The following NFIX variants were observed in gnomAD, a reference collection of about 807,000 sequenced individuals.
NFIX encodes the protein nuclear factor 1 X-type.
In NFIX, 2 loss-of-function variants were observed where a neutral mutation model predicts 53.3. The ratio of observed to expected loss-of-function variants is 0.04; its 90% CI spans 0.02 to 0.12. The LOEUF (loss-of-function observed/expected upper bound fraction) is 0.12. Ranked by LOEUF, NFIX falls within the 10% of genes least tolerant of loss-of-function variation. The pLI is 1.00. For missense variants in NFIX, 310 were observed against 674.5 expected (o/e 0.46, Z 5.99); for synonymous variants, 244 against 289.0 (o/e 0.84, Z 1.58).
rs2014550696 is a variant in NFIX at position 13,040,618 on chromosome 19, G to A, written c.559+15066G>A. ...CTATTCCTGCCCTCCATCTCCTGGA[G>A]ACCCCTTCAGTCTGGGCCTCTCGGG... On this transcript the variant is annotated intron_variant, in intron 2 of 10. Transcript: ENST00000592199. This position sits in a 1 kb window ranked among gnomAD's most constrained non-coding sequence, Gnocchi z 4.2. 6.6e-6 allele frequency among the ~76,000 whole-genome samples: 1 copy of A among 152,168 alleles called. No homozygotes were observed. The highest frequency in any genetic ancestry group is 1.5e-5 in the Non-Finnish European group (1 of 68,028).
At position 13,090,112 on chromosome 19, in the gene NFIX, G is replaced by A. The variant is rs1257461556; in HGVS notation, c.1403-187G>A. 1.3e-5 allele frequency among the ~76,000 whole-genome samples: 2 copies of A among 152,074 alleles called. No individual in the cohort carries two copies. Among genetic ancestry groups the A allele is most frequent in the Non-Finnish European group, 2.9e-5 (2 of 67,954 alleles). ...GAGGATGAGGGTGTCCCTCTGTAGTGGGGGGCAGGCTCGGAGCCTGGCCTT... is the reference window on the plus strand; with the variant it reads ...GAGGATGAGGGTGTCCCTCTGTAGTAGGGGGCAGGCTCGGAGCCTGGCCTT... On this transcript the variant is annotated intron_variant, in intron 9 of 10. Transcript: ENST00000592199. The surrounding 1 kb of genome is among the most constrained non-coding windows in gnomAD (Gnocchi z 6.6).
Position 13,028,901 on chromosome 19 carries a change from C to T in NFIX, c.559+3349C>T, listed in dbSNP as rs1390483546. On this transcript the variant is annotated intron_variant, in intron 2 of 10. Coordinates refer to ENST00000592199, the MANE Select transcript of NFIX (RefSeq NM_001365902.3). This position sits in a 1 kb window ranked among gnomAD's most constrained non-coding sequence, Gnocchi z 4.2. ...CACCCTGAAGGTGAACCAGTGCCTTCAGACCTTCCCTGACACCTAAGCCTT... is the reference window on the plus strand; with the variant it reads ...CACCCTGAAGGTGAACCAGTGCCTTTAGACCTTCCCTGACACCTAAGCCTT... Among the ~76,000 whole-genome samples, 1 of 151,980 alleles carries T rather than the reference C, an allele frequency of 6.6e-6. No individual in the cohort carries two copies. Among genetic ancestry groups the T allele is most frequent in the Non-Finnish European group, 1.5e-5 (1 of 67,992 alleles).
In NFIX at chr19:13,001,488, A is replaced by G. The variant is rs988324595; in HGVS notation, c.27+5624A>G. ...TGCGCACGTCAACGGGTATTGGTGT[A>G]CCGGTCACCATCTTTGTATCTGCGC... is the stretch of plus-strand genomic sequence containing the variant. On this transcript the variant is annotated intron_variant, in intron 1 of 10. Coordinates refer to ENST00000592199, the MANE Select transcript of NFIX (RefSeq NM_001365902.3). This position sits in a 1 kb window ranked among gnomAD's most constrained non-coding sequence, Gnocchi z 6.5. Among the ~76,000 whole-genome samples, 2 of 151,806 alleles carry G rather than the reference A, an allele frequency of 1.3e-5. No homozygotes were observed. Among genetic ancestry groups the G allele is most frequent in the African/African-American group, 4.8e-5 (2 of 41,300 alleles).
At position 13,037,804 on chromosome 19, in the gene NFIX, C is replaced by T. The variant is rs1279845023; in HGVS notation, c.559+12252C>T. ...TGTCTGTGAACACTTTTGGTTGTCA[C>T]AGTTGTGGGGGGAGGGTGCTATTGG... On this transcript the variant is annotated intron_variant, in intron 2 of 10. Coordinates refer to ENST00000592199, the MANE Select transcript of NFIX (RefSeq NM_001365902.3). This position sits in a 1 kb window ranked among gnomAD's most constrained non-coding sequence, Gnocchi z 4.2. Among the ~76,000 whole-genome samples, 4 of 152,108 alleles carry T rather than the reference C, an allele frequency of 2.6e-5. No individual in the cohort carries two copies. The highest frequency in any genetic ancestry group is 5.9e-5 in the Non-Finnish European group (4 of 68,018).
chr19:13,041,204 G>A (rs1400004934), intron 2 of NFIX, among the ~76,000 whole-genome samples: 1 of 152,136 alleles, frequency 6.6e-6, no homozygotes, highest in Non-Finnish European at 1.5e-5. Flanking sequence ...GACACACAGG[G>A]GCTTAGTTTC....
rs978756383 is a variant in NFIX at position 13,011,786 on chromosome 19, C to T, written c.28-13235C>T. Among the ~76,000 whole-genome samples the T allele has an allele frequency of 8.5e-5, 13 of 152,176 alleles. No individual in the cohort carries two copies. Among genetic ancestry groups the T allele is most frequent in the Non-Finnish European group, 1.5e-4 (10 of 68,026 alleles). On this transcript the variant is annotated intron_variant, in intron 1 of 10. Coordinates refer to ENST00000592199, the MANE Select transcript of NFIX (RefSeq NM_001365902.3). This position sits in a 1 kb window ranked among gnomAD's most constrained non-coding sequence, Gnocchi z 6.5. ...CGCCAAGTGCGCCCCTCGACAGGTGCCCGTCGCCCACAGGCTCCTTTCATT... is the reference window on the plus strand; with the variant it reads ...CGCCAAGTGCGCCCCTCGACAGGTGTCCGTCGCCCACAGGCTCCTTTCATT...
Position 13,073,359 on chromosome 19 carries a change from G to C in NFIX, c.623-63G>C, listed in dbSNP as rs368821406. 5 of 1,403,094 alleles carry C rather than the reference G, an allele frequency of 3.6e-6. No individual in the cohort carries two copies. Among genetic ancestry groups the C allele is most frequent in the Non-Finnish European group, 5.1e-6 (5 of 987,842 alleles). The allele number at this position is 1,403,094 out of a possible 1,614,324, so 86.9% of individuals were successfully genotyped here. A position where few individuals can be genotyped will look rare whatever the true frequency, so the allele number is the denominator to read the frequency against. On this transcript the variant is annotated intron_variant, in intron 3 of 10. Coordinates refer to ENST00000592199, the MANE Select transcript of NFIX (RefSeq NM_001365902.3). The surrounding 1 kb of genome is among the most constrained non-coding windows in gnomAD (Gnocchi z 4.5). ...AGAAGCAACAGTGTGGAAGACCTTT[G>C]GAAATAGCCAGGCAGCCCCCTTCTG...
intron 2 of NFIX, among the ~76,000 whole-genome samples, chr19:13,035,233 A>G (rs907622128): frequency 6.6e-6 from 1 of 152,202 alleles, no homozygotes; most frequent in Non-Finnish European, 1.5e-5. Flanking sequence ...ACCTCTGAGC[A>G]TCGTCTACTC....
Position 13,072,357 on chromosome 19 carries a change from C to T in NFIX, c.560-690C>T, listed in dbSNP as rs780545686. Reference sequence around the variant, plus strand: ...GGCTCCCTCTGAGCAGCTGTGGCACCGGGGCATGAGACAGCCCAGACAGGC... The same window carrying T: ...GGCTCCCTCTGAGCAGCTGTGGCACTGGGGCATGAGACAGCCCAGACAGGC... On this transcript the variant is annotated intron_variant, in intron 2 of 10. Transcript: ENST00000592199. This position sits in a 1 kb window ranked among gnomAD's most constrained non-coding sequence, Gnocchi z 4.0. 6.6e-6 allele frequency among the ~76,000 whole-genome samples: 1 copy of T among 152,226 alleles called. No homozygotes were observed. Among genetic ancestry groups the T allele is most frequent in the Non-Finnish European group, 1.5e-5 (1 of 68,028 alleles).
chr19:13,007,196 C>T (rs901985706), intron 1 of NFIX, among the ~76,000 whole-genome samples: 11 of 152,114 alleles, frequency 7.2e-5, no homozygotes, highest in East Asian at 3.9e-4. Context: ...CCATAGGCGC[C>T]AACCTCACTT....
Position 13,094,657 on chromosome 19 carries a change from G to A in NFIX, c.*8G>A. The A allele has an allele frequency of 2.6e-6, 4 of 1,535,850 alleles. No homozygotes were observed. The highest frequency in any genetic ancestry group is 2.4e-5 in the South Asian group (2 of 84,028). On this transcript the variant is annotated 3_prime_UTR_variant, in exon 11 of 11. Coordinates refer to ENST00000592199, the MANE Select transcript of NFIX (RefSeq NM_001365902.3). The surrounding 1 kb of genome is among the most constrained non-coding windows in gnomAD (Gnocchi z 4.3). ...CAGTCCTGGTTCCTCTGATAAGATC[G>A]ACAAAAGAAACAACAAAATGAGAAG...
rs892628547 is a variant in NFIX at position 13,067,409 on chromosome 19, C to T, written c.560-5638C>T. 6.6e-6 allele frequency among the ~76,000 whole-genome samples: 1 copy of T among 152,104 alleles called. No homozygotes were observed. Among genetic ancestry groups the T allele is most frequent in the Non-Finnish European group, 1.5e-5 (1 of 68,028 alleles). On this transcript the variant is annotated intron_variant, in intron 2 of 10. Coordinates refer to ENST00000592199, the MANE Select transcript of NFIX (RefSeq NM_001365902.3). The surrounding 1 kb of genome is among the most constrained non-coding windows in gnomAD (Gnocchi z 4.2). The stretch of plus-strand genomic sequence containing the variant: ...GTGGCTCCAGATGTACCATCTCACT[C>T]CACCCTTTCTGGACGGCAAGAAGTG...
chr19:13,008,649 G>A (rs1443286495), intron 1 of NFIX, among the ~76,000 whole-genome samples: 1 of 152,172 alleles, frequency 6.6e-6, no homozygotes, highest in Non-Finnish European at 1.5e-5. Context: ...CAGGCCTGGA[G>A]CTCAGGGAAA....
Position 13,011,655 on chromosome 19 carries a change from A to G in NFIX, c.28-13366A>G, listed in dbSNP as rs1421159977. Among the ~76,000 whole-genome samples, 1 of 152,088 alleles carries G rather than the reference A, an allele frequency of 6.6e-6. No homozygotes were observed. Among genetic ancestry groups the G allele is most frequent in the Non-Finnish European group, 1.5e-5 (1 of 68,002 alleles). The stretch of plus-strand genomic sequence containing the variant: ...TCCAGCGTCTCCTCCGGGTCCCCGG[A>G]AGAGAGAAGCTGGGCTGCACCCCAT... On this transcript the variant is annotated intron_variant, in intron 1 of 10. Coordinates refer to ENST00000592199, the MANE Select transcript of NFIX (RefSeq NM_001365902.3). The surrounding 1 kb of genome is among the most constrained non-coding windows in gnomAD (Gnocchi z 6.5).
intron 2 of NFIX, among the ~76,000 whole-genome samples, chr19:13,057,601 G>A (rs915356759): frequency 5.3e-5 from 8 of 152,136 alleles, no homozygotes; most frequent in African/African-American, 1.9e-4. Flanking sequence ...GCTATTAAAA[G>A]TAAATAAATA....
intron 1 of NFIX, among the ~76,000 whole-genome samples, chr19:13,007,760 T>A (rs2012107226): frequency 1.4e-5 from 2 of 147,230 alleles, no homozygotes; most frequent in African/African-American, 5.0e-5. Context: ...CAAAGTTTGC[T>A]AAGTAACTTC....
rs149423396 is a variant in NFIX, at chr19:12,999,640, CG to C, written c.27+3777del. ...ACACGGATACACCCGCTCTCAGACA[CG>C]CAGCGACCTACGCCCATTTTCCTGG... is the stretch of plus-strand genomic sequence containing the variant. On this transcript the variant is annotated intron_variant, in intron 1 of 10. Transcript: ENST00000592199. 2.3e-3 allele frequency among the ~76,000 whole-genome samples: 353 copies of C among 152,358 alleles called. 12 individuals are homozygous for C. The East Asian group carries it at 0.058, about 25-fold the overall frequency.
At chr19:13,087,759 A>C in intron 8 of NFIX, among the ~76,000 whole-genome samples, 1 of 131,462 alleles carries the variant, frequency 7.6e-6, no homozygotes, top group East Asian at 2.3e-4. Flanking sequence ...CCCTCCCACA[A>C]CTTCAAAAGA....
chr19:13,081,588 C>T lies in NFIX; in HGVS notation c.1079-92C>T. On this transcript the variant is annotated intron_variant, in intron 7 of 10. Transcript: ENST00000592199. This position sits in a 1 kb window ranked among gnomAD's most constrained non-coding sequence, Gnocchi z 4.7. ...CTTACCTGCTCAGGATCCTCAGGAC[C>T]CTCTGACCGGCAGCTCCCCTCCTCT... 1.5e-6 allele frequency: 2 copies of T among 1,370,720 alleles called. No individual in the cohort carries two copies. Among genetic ancestry groups the T allele is most frequent in the East Asian group, 2.5e-5 (1 of 40,390 alleles). 84.9% of individuals were successfully genotyped at this position (1,370,720 alleles called of 1,614,324 possible).
Sources: gnomAD v4.1 joint callset for allele counts (sites outside exome capture counted in the v4.1 genomes callset) on GRCh38, gnomAD v4.1.1 for gene constraint, Gnocchi (gnomAD v3.1) non-coding constraint, MANE v1.5 for transcripts, NCBI Gene and HGNC (gene_info 2026-07-23, HGNC 2026-07-21) for gene names.